Variants in AGMO observed in about 807,000 individuals in gnomAD.
AGMO encodes alkylglycerol monooxygenase, also known as glyceryl-ether monooxygenase.
Under a neutral mutation model 60.2 loss-of-function variants are expected in AGMO, and 75 were observed. That is an observed-to-expected ratio of 1.25 (90% confidence interval 1.03 to 1.51). The LOEUF (loss-of-function observed/expected upper bound fraction) is 1.51, where lower values mean the gene tolerates loss of function less well. Ranked by LOEUF, AGMO falls within the 40% of genes most tolerant of loss-of-function variation. The pLI, the probability that AGMO is intolerant of heterozygous loss-of-function variation, is 0.00. For synonymous variants in AGMO, 261 were observed against 177.1 expected (o/e 1.47, Z -3.76); for missense variants, 763 against 525.5 (o/e 1.45, Z -4.42).
chr7:15,213,381 C>A (rs1452732803), intron 12 of AGMO, among the ~76,000 whole-genome samples: 1 of 151,488 alleles, frequency 6.6e-6, no homozygotes, highest in Non-Finnish European at 1.5e-5. Flanking sequence ...AATAGAAAAT[C>A]TCCAAGATCT....
At chr7:15,176,462 C>G in the AGMO span, among the ~76,000 whole-genome samples, 24 of 151,978 alleles carry the variant, frequency 1.6e-4, no homozygotes, top group Admixed American at 1.5e-3. Flanking sequence ...TGGGTGCAGA[C>G]AGGAAGTTTT....
intron 12 of AGMO, among the ~76,000 whole-genome samples, chr7:15,239,525 G>A (rs1782527618): frequency 6.6e-6 from 1 of 152,210 alleles, no homozygotes; most frequent in Non-Finnish European, 1.5e-5. Flanking sequence ...ATGTCCAACA[G>A]TGTATATGGG....
At chr7:15,238,135 C>CT (rs1312633414) in intron 12 of AGMO, among the ~76,000 whole-genome samples, 4 of 151,796 alleles carry the variant, frequency 2.6e-5, no homozygotes, top group African/African-American at 4.9e-5. Flanking sequence ...CAATTTCTCT[C>CT]TTTTTTTCAG....
intron 12 of AGMO, among the ~76,000 whole-genome samples, chr7:15,343,993 A>G (rs551991620): frequency 1.3e-5 from 2 of 152,322 alleles, no homozygotes; most frequent in Admixed American, 6.5e-5. Flanking sequence ...ACTGGAAGAC[A>G]TTAGCTATCA....
In AGMO at chr7:15,227,484, T is replaced by C. The variant is rs1244696168; in HGVS notation, c.1264-26125A>G. Among the ~76,000 whole-genome samples, 6 of 150,858 alleles carry C rather than the reference T, an allele frequency of 4.0e-5. 1 individual carries two copies. In the East Asian group the frequency reaches 1.2e-3, roughly 29 times the overall value. On this transcript the variant is annotated intron_variant, in intron 12 of 12. Coordinates refer to ENST00000342526, the MANE Select transcript of AGMO (RefSeq NM_001004320.2). ...GGTGAAAACGGTGACAAATATAAAT[T>C]CTTGAGTTTATAGGATGGCAGATTA...
chr7:15,333,832 T>C (rs1030474800), intron 12 of AGMO, among the ~76,000 whole-genome samples: 3 of 152,068 alleles, frequency 2.0e-5, no homozygotes, highest in African/African-American at 7.2e-5. Context: ...TAGTTTGGTA[T>C]TTAGTGGTCA....
At chr7:15,547,953 A>G (rs1183234716) in intron 2 of AGMO, among the ~76,000 whole-genome samples, 2 of 151,748 alleles carry the variant, frequency 1.3e-5, no homozygotes, top group Admixed American at 6.6e-5. Flanking sequence ...TTCTCCCAGC[A>G]CGCAGCTGGA....
rs535445599 is a variant in AGMO, at chr7:15,360,134, C to T, written c.1263+5380G>A. The stretch of plus-strand genomic sequence containing the variant: ...TATAATCTTATTTAATCCACATGTC[C>T]ACCCACCAAGGTAGGTACTACTTTT... On this transcript the variant is annotated intron_variant, in intron 12 of 12. Coordinates refer to ENST00000342526, the MANE Select transcript of AGMO (RefSeq NM_001004320.2). Among the ~76,000 whole-genome samples the T allele has an allele frequency of 3.0e-3, 457 of 152,228 alleles. 3 individuals carry two copies. Among genetic ancestry groups the T allele is most frequent in the African/African-American group, 0.011 (439 of 41,534 alleles).
chr7:15,396,613 C>T (rs943106428), intron 5 of AGMO: 5 of 152,156 alleles, frequency 3.3e-5, no homozygotes, highest in African/African-American at 9.7e-5. Flanking sequence ...TTCCCTTATC[C>T]GGCCCCGCCC....
the AGMO span, among the ~76,000 whole-genome samples, chr7:15,188,535 T>C: frequency 6.6e-6 from 1 of 152,208 alleles, no homozygotes; most frequent in Non-Finnish European, 1.5e-5. Context: ...GCCAGATACA[T>C]ACTTTTGGTG....
rs371055447 is a variant in AGMO at position 15,354,312 on chromosome 7, ACG to A, written c.1263+11200_1263+11201del. 8.9e-3 allele frequency among the ~76,000 whole-genome samples: 703 copies of A among 78,556 alleles called. 108 individuals are homozygous for A. In the East Asian group the frequency reaches 0.13, roughly 14 times the overall value. The allele number at this position is 78,556 out of a possible 152,430, so 51.5% of individuals were successfully genotyped here. A position where few individuals can be genotyped will look rare whatever the true frequency, so the allele number is the denominator to read the frequency against. On this transcript the variant is annotated intron_variant, in intron 12 of 12. Coordinates refer to ENST00000342526, the MANE Select transcript of AGMO (RefSeq NM_001004320.2). ...GAGATAAATATATATACGTGTATAC[ACG>A]CGTGTATATACGTACGCGTGTATAT...
At chr7:15,336,931 A>T (rs966100668) in intron 12 of AGMO, among the ~76,000 whole-genome samples, 1 of 152,212 alleles carries the variant, frequency 6.6e-6, no homozygotes, top group Admixed American at 6.6e-5. Flanking sequence ...TGGTCCTTTT[A>T]AAGTTCATGA....
At chr7:15,344,129 A>G (rs1220237315) in intron 12 of AGMO, among the ~76,000 whole-genome samples, 1 of 152,162 alleles carries the variant, frequency 6.6e-6, no homozygotes, top group Non-Finnish European at 1.5e-5. Context: ...TCATTTAGAA[A>G]ATGATGCATA....
At chr7:15,559,945 G>A (rs1785257685) in intron 2 of AGMO, among the ~76,000 whole-genome samples, 196 bp downstream of exon 2, 1 of 152,032 alleles carries the variant, frequency 6.6e-6, no homozygotes, top group Admixed American at 6.6e-5. Flanking sequence ...GATAAATAAT[G>A]TTTGCGGTGA....
the AGMO span, among the ~76,000 whole-genome samples, chr7:15,130,539 C>A: frequency 6.6e-6 from 1 of 151,974 alleles, no homozygotes; most frequent in Admixed American, 6.6e-5. Flanking sequence ...AAAAGGTTCT[C>A]TAATTGCTAT....
rs1054043493 is a variant in AGMO at position 15,377,990 on chromosome 7, G to C, written c.1074+7456C>G. On this transcript the variant is annotated intron_variant, in intron 10 of 12. Coordinates refer to ENST00000342526, the MANE Select transcript of AGMO (RefSeq NM_001004320.2). ...TTGGGGGCTAAAGCCAAATAAACCT[G>C]GTACACTATGCAATTTGTTTCATCA... Among the ~76,000 whole-genome samples the C allele has an allele frequency of 4.6e-5, 7 of 152,060 alleles. No individual in the cohort carries two copies. The South Asian group carries it at 1.5e-3, about 32-fold the overall frequency.
intron 3 of AGMO, among the ~76,000 whole-genome samples, chr7:15,473,371 A>T (rs1207882120): frequency 6.6e-6 from 1 of 152,034 alleles, no homozygotes; most frequent in Non-Finnish European, 1.5e-5. Context: ...CAATAGAAGA[A>T]AAGGGACTCC....
the AGMO span, among the ~76,000 whole-genome samples, chr7:15,184,462 A>AGAAGGAAGGAAGGAAAAGGAGGGAGG: frequency 1.6e-5 from 2 of 122,974 alleles, no homozygotes; most frequent in African/African-American, 6.4e-5. Context: ...AAGGGAGGTA[A>AGAAGGAAGGAAGGAAAAGGAGGGAGG]GAAGGAAGGA....
downstream of AGMO, among the ~76,000 whole-genome samples, chr7:15,197,293 T>C (rs577098211): frequency 2.0e-5 from 3 of 152,304 alleles, no homozygotes; most frequent in Admixed American, 2.0e-4. Flanking sequence ...CTATAATGTA[T>C]ACCATATGTT....
Sources: gnomAD v4.1 joint callset for allele counts (sites outside exome capture counted in the v4.1 genomes callset) on GRCh38, gnomAD v4.1.1 for gene constraint, MANE v1.5 for transcripts, NCBI Gene and HGNC (gene_info 2026-07-23, HGNC 2026-07-21) for gene names.